GALNT10: variants seen among roughly 807,000 people sequenced by gnomAD.
GALNT10 encodes polypeptide N-acetylgalactosaminyltransferase 10.
GALNT10 carries 41 observed loss-of-function variants against 75.0 expected under a neutral mutation model. The observed-to-expected ratio is 0.55, with a 90% CI of 0.43 to 0.71. The LOEUF is 0.71. Among genes scored for constraint, GALNT10 ranks in the 30% least tolerant of loss-of-function variants. The pLI, the probability that GALNT10 is intolerant of heterozygous loss-of-function variation, is 0.00. For synonymous variants in GALNT10, 302 were observed against 313.0 expected (o/e 0.96, Z 0.37); for missense variants, 727 against 818.5 (o/e 0.89, Z 1.36).
intron 1 of GALNT10, among the ~76,000 whole-genome samples, chr5:154,245,308 G>T (rs1435940292): frequency 6.6e-6 from 1 of 152,202 alleles, no homozygotes; most frequent in Non-Finnish European, 1.5e-5. Flanking sequence ...TGAGGGACAG[G>T]TGATGTTGAG....
chr5:154,337,446 G>T (rs1351877865), intron 4 of GALNT10: 3 of 676,500 alleles, frequency 4.4e-6, no homozygotes, highest in South Asian at 4.4e-5. Flanking sequence ...CTCCTGCTAA[G>T]CTTTGTTTTC....
At chr5:154,192,694 T>C (rs1386044225) in intron 1 of GALNT10, among the ~76,000 whole-genome samples, 1 of 152,226 alleles carries the variant, frequency 6.6e-6, no homozygotes. Context: ...GAGTTCCTTG[T>C]AGCATCCCTA....
chr5:154,326,461 G>A (rs577207181), intron 3 of GALNT10, among the ~76,000 whole-genome samples: 3 of 152,296 alleles, frequency 2.0e-5, no homozygotes, highest in South Asian at 4.1e-4. Context: ...TCATATTCAT[G>A]TTATTCATAA....
intron 4 of GALNT10, among the ~76,000 whole-genome samples, chr5:154,332,763 C>A (rs1581978126): frequency 6.6e-6 from 1 of 152,304 alleles, no homozygotes; most frequent in South Asian, 2.1e-4. Flanking sequence ...GAAGACACTG[C>A]AGTTCTTGCA....
intron 7 of GALNT10, among the ~76,000 whole-genome samples, chr5:154,401,888 G>A (rs1561683876): frequency 6.6e-6 from 1 of 152,152 alleles, no homozygotes; most frequent in Non-Finnish European, 1.5e-5. Context: ...ACAGAATCTG[G>A]TTTGCAGATG....
chr5:154,201,357 A>G (rs549794129), intron 1 of GALNT10, among the ~76,000 whole-genome samples: 1 of 152,302 alleles, frequency 6.6e-6, no homozygotes, highest in Non-Finnish European at 1.5e-5. Context: ...AAAGCCAATA[A>G]GTTGATGCTA....
chr5:154,254,190 T>C (rs891324496), intron 1 of GALNT10, among the ~76,000 whole-genome samples: 1 of 152,198 alleles, frequency 6.6e-6, no homozygotes, highest in Non-Finnish European at 1.5e-5. Flanking sequence ...CACCCACTTG[T>C]ATAGGGTTCA....
At chr5:154,254,107 T>G (rs565845529) in intron 1 of GALNT10, among the ~76,000 whole-genome samples, 2 of 152,320 alleles carry the variant, frequency 1.3e-5, no homozygotes, top group South Asian at 4.1e-4. Context: ...AGCCACTGTT[T>G]CCATTGCTTC....
chr5:154,253,618 T>C (rs1010275112), intron 1 of GALNT10, among the ~76,000 whole-genome samples: 6 of 152,068 alleles, frequency 3.9e-5, no homozygotes, highest in Admixed American at 2.6e-4. Flanking sequence ...TACTTTTAAG[T>C]TATCCATATT....
intron 1 of GALNT10, among the ~76,000 whole-genome samples, chr5:154,274,702 G>T (rs1368299896): frequency 1.3e-5 from 2 of 152,122 alleles, no homozygotes; most frequent in Non-Finnish European, 2.9e-5. Flanking sequence ...CAAATTGGTG[G>T]CCTGCTAGAT....
At chr5:154,219,505 GC>G (rs1459791743) in intron 1 of GALNT10, 1 of 152,350 alleles carries the variant, frequency 6.6e-6, no homozygotes, top group African/African-American at 2.4e-5. Context: ...CACAATGCAT[GC>G]CAAATAATGG....
intron 1 of GALNT10, among the ~76,000 whole-genome samples, chr5:154,255,268 T>A (rs1753589424): frequency 6.6e-6 from 1 of 152,128 alleles, no homozygotes; most frequent in African/African-American, 2.4e-5. Context: ...CATCAAGGTA[T>A]ATCCCTCAAT....
intron 4 of GALNT10, among the ~76,000 whole-genome samples, chr5:154,355,641 C>A (rs1052350248): frequency 6.6e-6 from 1 of 150,844 alleles, no homozygotes. Flanking sequence ...TTTTTGGTAT[C>A]CTATTTATGG....
intron 1 of GALNT10, among the ~76,000 whole-genome samples, chr5:154,242,208 T>C (rs956163488): frequency 2.6e-4 from 39 of 152,192 alleles, no homozygotes; most frequent in African/African-American, 9.2e-4. Flanking sequence ...TCAGTCTAAT[T>C]CGATGAGTCT....
chr5:154,330,304 C>A (rs1204557964), intron 4 of GALNT10, among the ~76,000 whole-genome samples: 1 of 152,222 alleles, frequency 6.6e-6, no homozygotes, highest in Non-Finnish European at 1.5e-5. Flanking sequence ...TCTGGGCACC[C>A]CTATCTGCAA....
chr5:154,299,507 G>A (rs1754330181), intron 3 of GALNT10, among the ~76,000 whole-genome samples: 1 of 152,220 alleles, frequency 6.6e-6, no homozygotes, highest in African/African-American at 2.4e-5. Flanking sequence ...AGAATCTGTG[G>A]TTTTAATCAC....
chr5:154,267,849 C>G (rs1366927785), intron 1 of GALNT10, among the ~76,000 whole-genome samples: 2 of 152,092 alleles, frequency 1.3e-5, no homozygotes, highest in African/African-American at 2.4e-5. Flanking sequence ...TGGGTATTTT[C>G]CTGCCTCCTC....
At chr5:154,403,276 A>C (rs762586925) in intron 7 of GALNT10, among the ~76,000 whole-genome samples, 3 of 152,146 alleles carry the variant, frequency 2.0e-5, no homozygotes, top group Non-Finnish European at 2.9e-5. Flanking sequence ...CCTCCCAAGG[A>C]GGGTCTATGT....
intron 1 of GALNT10, among the ~76,000 whole-genome samples, chr5:154,214,104 A>G (rs1752828165): frequency 1.3e-5 from 2 of 152,088 alleles, no homozygotes; most frequent in South Asian, 4.1e-4. Context: ...GGAATACTGA[A>G]AGCCTTTTTG....
Sources: allele counts gnomAD v4.1 joint callset (sites outside exome capture counted in the v4.1 genomes callset), GRCh38; gene constraint gnomAD v4.1.1; transcripts MANE v1.5; gene names NCBI Gene and HGNC (gene_info 2026-07-23, HGNC 2026-07-21).